The following ELP4 variants were observed in gnomAD, a reference collection of about 807,000 sequenced individuals.
ELP4 encodes the protein elongator complex protein 4.
ELP4 carries 51 observed loss-of-function variants against 48.9 expected under a neutral mutation model. That is an observed-to-expected ratio of 1.04 (90% CI 0.83 to 1.32). The LOEUF is 1.32. Among genes scored for constraint, ELP4 ranks in the 40% most tolerant of loss-of-function variants. The probability of loss-of-function intolerance (pLI) is 0.00; values close to 1 mark genes in which losing one functional copy is unlikely to be tolerated. For missense variants in ELP4, 519 were observed against 514.6 expected (o/e 1.01, Z -0.08); for synonymous variants, 210 against 189.2 (o/e 1.11, Z -0.90).
chr11:31,587,141 G>C (rs1369152757), intron 3 of ELP4, among the ~76,000 whole-genome samples: 2 of 152,150 alleles, frequency 1.3e-5, no homozygotes, highest in African/African-American at 4.8e-5. Context: ...CATGAAAGCA[G>C]AGACTTTCTT....
chr11:31,512,110 A>T (rs571746641), intron 1 of ELP4: 2 of 152,294 alleles, frequency 1.3e-5, no homozygotes, highest in East Asian at 3.9e-4. Flanking sequence ...AGCAGTTTAG[A>T]CTATGTTATT....
intron 3 of ELP4, among the ~76,000 whole-genome samples, chr11:31,568,173 A>G (rs920973566): frequency 6.6e-6 from 1 of 152,216 alleles, no homozygotes; most frequent in Non-Finnish European, 1.5e-5. Context: ...TCAAGCTGAG[A>G]GCCAAATCAA....
At chr11:31,714,960 A>T (rs1329569860) in intron 9 of ELP4, 1 of 396,308 alleles carries the variant, frequency 2.5e-6, no homozygotes, top group African/African-American at 2.1e-5. Flanking sequence ...ATGTAAGGTA[A>T]CACATTACAG....
Position 31,520,106 on chromosome 11 carries a change from C to G in ELP4, c.259+15C>G. The G allele has an allele frequency of 1.2e-6, 2 of 1,604,892 alleles. No individual in the cohort carries two copies. Among genetic ancestry groups the G allele is most frequent in the Non-Finnish European group, 1.7e-6 (2 of 1,175,366 alleles). On this transcript the variant is annotated intron_variant, in intron 2 of 9. Coordinates refer to ENST00000640961, the MANE Select transcript of ELP4 (RefSeq NM_019040.5). ...TCTTCTAATTGGTTAGTACAAAATA[C>G]ATGCTTTGCTCTCCTCTATCATTGT... is the stretch of plus-strand genomic sequence containing the variant.
chr11:31,564,505 A>G (rs1293773846), intron 3 of ELP4, among the ~76,000 whole-genome samples: 1 of 151,876 alleles, frequency 6.6e-6, no homozygotes, highest in Non-Finnish European at 1.5e-5. Context: ...CATTAGGTAT[A>G]TCTCCTAATG....
chr11:31,543,066 A>G (rs1956618456), intron 3 of ELP4, among the ~76,000 whole-genome samples: 1 of 152,174 alleles, frequency 6.6e-6, no homozygotes, highest in Non-Finnish European at 1.5e-5. Flanking sequence ...AGTAAATTTG[A>G]AGACATGGCA....
chr11:31,592,832 CAT>C (rs1354365420), intron 3 of ELP4, among the ~76,000 whole-genome samples: 1 of 151,964 alleles, frequency 6.6e-6, no homozygotes, highest in Non-Finnish European at 1.5e-5. Flanking sequence ...ATAAGTTAAA[CAT>C]ATTAATGAAT....
At chr11:31,595,584 G>A (rs1957656447) in intron 4 of ELP4, among the ~76,000 whole-genome samples, 1 of 152,160 alleles carries the variant, frequency 6.6e-6, no homozygotes, top group Non-Finnish European at 1.5e-5. Context: ...ATTGACATCA[G>A]TGTTATCTTT....
At position 31,789,545 on chromosome 11, in the gene ELP4, G is replaced by A. The variant is rs1424540247; in HGVS notation, c.*6021G>A. On this transcript the variant is annotated 3_prime_UTR_variant, in exon 10 of 10. Coordinates refer to ENST00000640961, the MANE Select transcript of ELP4 (RefSeq NM_019040.5). ...ATATCTTGATAAAACTCTTAAATTC[G>A]TGGCAAAGCTTGTTGATCATGGTTT... 1.2e-5 allele frequency: 7 copies of A among 595,782 alleles called. No individual in the cohort carries two copies. Among genetic ancestry groups the A allele is most frequent in the African/African-American group, 3.8e-5 (2 of 52,950 alleles). The allele number at this position is 595,782 out of a possible 1,614,324, so 36.9% of individuals were successfully genotyped here.
chr11:31,681,183 C>T (rs372167046), intron 9 of ELP4, among the ~76,000 whole-genome samples: 1 of 152,182 alleles, frequency 6.6e-6, no homozygotes, highest in East Asian at 1.9e-4. Context: ...AGGCTTTTCT[C>T]CTTCTGAAAT....
chr11:31,744,839 A>T (rs1226724127), intron 9 of ELP4, among the ~76,000 whole-genome samples: 2 of 152,148 alleles, frequency 1.3e-5, no homozygotes, highest in African/African-American at 2.4e-5. Context: ...CAAGACAGGG[A>T]TGCCCTCTCT....
At chr11:31,738,002 A>C (rs1182852367) in intron 9 of ELP4, among the ~76,000 whole-genome samples, 1 of 152,156 alleles carries the variant, frequency 6.6e-6, no homozygotes, top group Non-Finnish European at 1.5e-5. Context: ...TGTTCATAGC[A>C]ACATTATCCA....
chr11:31,679,938 T>G (rs1393881736), intron 9 of ELP4, among the ~76,000 whole-genome samples: 1 of 152,210 alleles, frequency 6.6e-6, no homozygotes, highest in Non-Finnish European at 1.5e-5. Context: ...AGTTGTGTAC[T>G]CTCTAATGTC....
intron 9 of ELP4, among the ~76,000 whole-genome samples, chr11:31,725,968 A>G (rs999445244): frequency 3.3e-5 from 5 of 152,214 alleles, no homozygotes; most frequent in Non-Finnish European, 4.4e-5. Flanking sequence ...AATTTTTTAC[A>G]TATCGGTTTC....
intron 8 of ELP4, 83 bp from the exon 9 acceptor site, chr11:31,650,032 A>G (rs1235482353): frequency 1.8e-6 from 1 of 555,576 alleles, no homozygotes; most frequent in Non-Finnish European, 3.3e-6. Flanking sequence ...GTAAATTTAC[A>G]GGATTCTGCT....
At chr11:31,566,064 G>A (rs1039249312) in intron 3 of ELP4, among the ~76,000 whole-genome samples, 1 of 152,022 alleles carries the variant, frequency 6.6e-6, no homozygotes, top group Non-Finnish European at 1.5e-5. Flanking sequence ...AGGCACGGTG[G>A]CTCATGCTTA....
At chr11:31,686,445 C>A (rs552158884) in intron 9 of ELP4, among the ~76,000 whole-genome samples, 1 of 149,434 alleles carries the variant, frequency 6.7e-6, no homozygotes, top group East Asian at 2.0e-4. Context: ...TCAGATTAAA[C>A]ATGGATAAAG....
chr11:31,562,366 G>T (rs531392614), intron 3 of ELP4, among the ~76,000 whole-genome samples: 1 of 151,882 alleles, frequency 6.6e-6, no homozygotes, highest in African/African-American at 2.4e-5. Context: ...CTCCTCATTT[G>T]CTCTATCTTA....
At chr11:31,718,300 G>A (rs989419095) in intron 9 of ELP4, among the ~76,000 whole-genome samples, 3 of 152,166 alleles carry the variant, frequency 2.0e-5, no homozygotes, top group African/African-American at 7.2e-5. Context: ...TCTATATGCA[G>A]ATATACCTGC....
Sources: allele counts gnomAD v4.1 joint callset (sites outside exome capture counted in the v4.1 genomes callset), GRCh38; gene constraint gnomAD v4.1.1; transcripts MANE v1.5; gene names NCBI Gene and HGNC (gene_info 2026-07-23, HGNC 2026-07-21).